IQGAP1: variants seen among roughly 807,000 people sequenced by gnomAD.
The protein encoded by IQGAP1 is ras GTPase-activating-like protein IQGAP1.
Under a neutral mutation model 215.6 loss-of-function variants are expected in IQGAP1, and 66 were observed. That is an observed-to-expected ratio of 0.31 (90% CI 0.25 to 0.38). The LOEUF (loss-of-function observed/expected upper bound fraction) is 0.38, where lower values mean the gene tolerates loss of function less well. Ranked by LOEUF, IQGAP1 falls within the 10% of genes least tolerant of loss-of-function variation. The probability of loss-of-function intolerance (pLI) is 1.00; values close to 1 mark genes in which losing one functional copy is unlikely to be tolerated. For synonymous variants in IQGAP1, 772 were observed against 728.7 expected (o/e 1.06, Z -0.96); for missense variants, 1,712 against 1,997.1 (o/e 0.86, Z 2.72).
chr15:90,432,083 T>C (rs1290498983), intron 4 of IQGAP1, among the ~76,000 whole-genome samples: 1 of 152,240 alleles, frequency 6.6e-6, no homozygotes. Flanking sequence ...GTTTCATTTA[T>C]TCTCAAGACT....
At chr15:90,463,758 G>A (rs940747979) in intron 15 of IQGAP1, among the ~76,000 whole-genome samples, 21 of 152,254 alleles carry the variant, frequency 1.4e-4, no homozygotes, top group African/African-American at 5.1e-4. Context: ...TCTTAGAATT[G>A]TAAGGCCAGC....
intron 35 of IQGAP1, among the ~76,000 whole-genome samples, chr15:90,493,395 C>G (rs1415916931): frequency 3.3e-5 from 5 of 151,978 alleles, no homozygotes; most frequent in Non-Finnish European, 1.5e-5. Context: ...GATTTTTTTT[C>G]CTGGGTGCTG....
At chr15:90,394,380 T>C (rs1964683622) in intron 2 of IQGAP1, among the ~76,000 whole-genome samples, 1 of 152,028 alleles carries the variant, frequency 6.6e-6, no homozygotes, top group African/African-American at 2.4e-5. Flanking sequence ...CCTATTTAGA[T>C]TGTAAACTAG....
chr15:90,391,162 C>T (rs542496988), intron 2 of IQGAP1: 6 of 263,586 alleles, frequency 2.3e-5, no homozygotes, highest in South Asian at 4.4e-5. Flanking sequence ...CACTTGAGTC[C>T]GGGAGGTCGA....
rs369935761 is a variant in IQGAP1, at chr15:90,482,706, G to A, written c.3555+425G>A. 71 of 997,216 alleles carry A rather than the reference G, an allele frequency of 7.1e-5. 4 individuals are homozygous for A. The Admixed American group carries it at 1.3e-3, about 18-fold the overall frequency. 61.8% of individuals were successfully genotyped at this position (997,216 alleles called of 1,614,324 possible). A position where few individuals can be genotyped will look rare whatever the true frequency, so the allele number is the denominator to read the frequency against. On this transcript the variant is annotated intron_variant, in intron 28 of 37. Transcript: ENST00000268182. ...CTTTTTTCTTCTCTCTCCTAGTTCTGTGCTTTCCTACAGTGAGGCCTCGAT... is the reference window on the plus strand; with the variant it reads ...CTTTTTTCTTCTCTCTCCTAGTTCTATGCTTTCCTACAGTGAGGCCTCGAT...
intron 14 of IQGAP1, among the ~76,000 whole-genome samples, chr15:90,454,773 T>G (rs1254903186): frequency 2.0e-5 from 3 of 152,204 alleles, no homozygotes; most frequent in Admixed American, 6.5e-5. Context: ...GGAGGTGAAT[T>G]GAACATGATC....
At chr15:90,413,342 A>G (rs1353964527) in intron 2 of IQGAP1, among the ~76,000 whole-genome samples, 3 of 152,222 alleles carry the variant, frequency 2.0e-5, no homozygotes, top group African/African-American at 7.2e-5. Context: ...GTTGGTAGGA[A>G]GAATTTACTG....
chr15:90,443,692 G>A (rs1048382625), intron 9 of IQGAP1, among the ~76,000 whole-genome samples: 5 of 152,124 alleles, frequency 3.3e-5, no homozygotes, highest in East Asian at 1.9e-4. Flanking sequence ...ACTGACAGTA[G>A]CATCATAGTA....
chr15:90,468,075 G>T lies in IQGAP1; in HGVS notation c.2178+483G>T, dbSNP rs75218180. Among the ~76,000 whole-genome samples, 10 of 144,432 alleles carry T rather than the reference G, an allele frequency of 6.9e-5. No homozygotes were observed. In the South Asian group the frequency reaches 1.5e-3, roughly 22 times the overall value. The allele number at this position is 144,432 out of a possible 152,430, so 94.8% of individuals were successfully genotyped here. A position where few individuals can be genotyped will look rare whatever the true frequency, so the allele number is the denominator to read the frequency against. On this transcript the variant is annotated intron_variant, in intron 18 of 37. Coordinates refer to ENST00000268182, the MANE Select transcript of IQGAP1 (RefSeq NM_003870.4). ...TTGTTTGTTTGTTTGTTTGTTTTTT[G>T]TTTTTTTTTTGAAACAGAGTCTCAC... is the stretch of plus-strand genomic sequence containing the variant.
At chr15:90,443,711 G>A (rs187831679) in intron 9 of IQGAP1, among the ~76,000 whole-genome samples, 1 of 152,164 alleles carries the variant, frequency 6.6e-6, no homozygotes, top group East Asian at 1.9e-4. Context: ...TAGTCTGTTT[G>A]GCTACAGTTT....
intron 15 of IQGAP1, among the ~76,000 whole-genome samples, chr15:90,463,686 A>G (rs1279862189): frequency 6.6e-6 from 1 of 152,116 alleles, no homozygotes; most frequent in Non-Finnish European, 1.5e-5. Context: ...CTTGCATTCT[A>G]TTTATCTGTT....
At chr15:90,448,831 C>A in intron 10 of IQGAP1, 95 bp downstream of exon 10, 2 of 1,114,946 alleles carry the variant, frequency 1.8e-6, no homozygotes, top group Non-Finnish European at 2.3e-6. Context: ...CTTTGTTTTT[C>A]CCCCAATACG....
chr15:90,479,044 A>G lies in IQGAP1; in HGVS notation c.3329+1155A>G, dbSNP rs192122036. 1.4e-4 allele frequency among the ~76,000 whole-genome samples: 22 copies of G among 152,210 alleles called. No individual in the cohort carries two copies. In the East Asian group the frequency reaches 4.1e-3, roughly 28 times the overall value. ...GGGTGAGGACCCAGAGGGGTGGGAG[A>G]TGGAGGTGTGAGCAGCATGGTCTGT... is the stretch of plus-strand genomic sequence containing the variant. On this transcript the variant is annotated intron_variant, in intron 26 of 37. Transcript: ENST00000268182.
rs374995395 is a variant in IQGAP1, at chr15:90,390,911, G to C, written c.155+38G>C. 2.6e-5 allele frequency: 31 copies of C among 1,205,370 alleles called. No homozygotes were observed. The African/African-American group carries it at 4.0e-4, about 16-fold the overall frequency. 74.7% of individuals were successfully genotyped at this position (1,205,370 alleles called of 1,614,324 possible). A position where few individuals can be genotyped will look rare whatever the true frequency, so the allele number is the denominator to read the frequency against. ...TGGCTGGAGAGAAGATTAAGAGAAG[G>C]GAACTGATAATAGTGTGAATACAAA... On this transcript the variant is annotated intron_variant, in intron 2 of 37. Coordinates refer to ENST00000268182, the MANE Select transcript of IQGAP1 (RefSeq NM_003870.4).
chr15:90,402,170 GT>G (rs1432907401), intron 2 of IQGAP1, among the ~76,000 whole-genome samples: 1 of 152,222 alleles, frequency 6.6e-6, no homozygotes, highest in African/African-American at 2.4e-5. Flanking sequence ...AAAGTCTCCA[GT>G]TGTCTTATGT....
chr15:90,483,419 C>T lies in IQGAP1; in HGVS notation c.3614C>T (p.Ala1205Val). ...AATCCAGCCATTGTTGCTCCTGATG[C>T]CTTTGACATCATTGACCTGTCAGCA... ...YMNPAIVAPD[A>V]FDIIDLSAGG... The change falls in exon 29 of 38, where the codon GCC becomes GTC. Residue 1205 changes from alanine to valine, a missense_variant. Ala to Val is a moderately conservative substitution (Grantham distance 64, BLOSUM62 0). Transcript: ENST00000268182. 6.2e-7 allele frequency: 1 copy of T among 1,614,104 alleles called. No homozygotes were observed. The highest frequency in any genetic ancestry group is 8.5e-7 in the Non-Finnish European group (1 of 1,179,992).
Position 90,466,070 on chromosome 15 carries a change from G to A in IQGAP1, c.1846G>A (p.Asp616Asn), listed in dbSNP as rs777177213. ...IQGGIWQSNKDTQEAQKFALG... is the reference protein window; with the variant it reads ...IQGGIWQSNKNTQEAQKFALG... ...AGGTGGAATCTGGCAGTCCAACAAA[G>A]ACACCCAAGAAGCACAGAAGTGTAT... Residue 616 changes from aspartate to asparagine, a missense_variant, in exon 16 of 38, where the codon GAC (aspartate) becomes AAC (asparagine). Coordinates refer to ENST00000268182, the MANE Select transcript of IQGAP1 (RefSeq NM_003870.4). 12 of 1,614,086 alleles carry A rather than the reference G, an allele frequency of 7.4e-6. No individual in the cohort carries two copies. In the South Asian group the frequency reaches 1.2e-4, roughly 16 times the overall value.
Position 90,477,175 on chromosome 15 carries a change from C to A in IQGAP1, c.3049C>A (p.Arg1017=). ...ACTCTACAACTACGCGTCCAACCAG[C>A]GAGAGGAGTACCTGCTCCTGCGGCT... ...FTLYNYASNQ[R]EEYLLLRLFK... Residue 1017 remains arginine, a synonymous_variant, in exon 25 of 38, where the codon CGA becomes AGA. Coordinates refer to ENST00000268182, the MANE Select transcript of IQGAP1 (RefSeq NM_003870.4). 6 of 1,613,992 alleles carry A rather than the reference C, an allele frequency of 3.7e-6. No homozygotes were observed. The highest frequency in any genetic ancestry group is 5.1e-6 in the Non-Finnish European group (6 of 1,179,954).
At chr15:90,422,122 C>A (rs1965145944) in intron 2 of IQGAP1, among the ~76,000 whole-genome samples, 1 of 152,174 alleles carries the variant, frequency 6.6e-6, no homozygotes, top group Admixed American at 6.5e-5. Context: ...CCTTTTTAGA[C>A]AGCCTGTGGA....
Sources: gnomAD v4.1 joint callset for allele counts (sites outside exome capture counted in the v4.1 genomes callset) on GRCh38, gnomAD v4.1.1 for gene constraint, MANE v1.5 for transcripts, NCBI Gene and HGNC (gene_info 2026-07-23, HGNC 2026-07-21) for gene names.